Variants in THG1L observed in about 807,000 individuals in gnomAD.
The protein encoded by THG1L is probable tRNA(His) guanylyltransferase.
THG1L carries 27 observed loss-of-function variants against 35.2 expected under a neutral mutation model. That is an observed-to-expected ratio of 0.77 (90% CI 0.57 to 1.06). The LOEUF (loss-of-function observed/expected upper bound fraction) is 1.06, where lower values mean the gene tolerates loss of function less well. THG1L is among the 50% of genes least tolerant of loss of function. The pLI is 0.00. For missense variants in THG1L, 377 were observed against 371.8 expected (o/e 1.01, Z -0.12); for synonymous variants, 135 against 132.4 (o/e 1.02, Z -0.14).
intron 3 of THG1L, among the ~76,000 whole-genome samples, chr5:157,735,150 C>G (rs1760837745): frequency 6.6e-6 from 1 of 152,036 alleles, no homozygotes; most frequent in Non-Finnish European, 1.5e-5. Flanking sequence ...GTTGGTCAGG[C>G]TGGTCTTGAA....
Position 157,739,549 on chromosome 5 carries a change from C to G in THG1L, c.*67C>G. 6.5e-7 allele frequency: 1 copy of G among 1,530,748 alleles called. No individual in the cohort carries two copies. The highest frequency in any genetic ancestry group is 1.4e-5 in the African/African-American group (1 of 72,358). 94.8% of individuals were successfully genotyped at this position (1,530,748 alleles called of 1,614,324 possible). On this transcript the variant is annotated 3_prime_UTR_variant, in exon 6 of 6. Transcript: ENST00000231198. Reference sequence around the variant, plus strand: ...CCTCCCACCTCCCAGGGCTCCTTGCCTTAGGTGGCTGTAGCATCCCTACCA... The same window carrying G: ...CCTCCCACCTCCCAGGGCTCCTTGCGTTAGGTGGCTGTAGCATCCCTACCA...
rs1333623763 is a variant in THG1L, at chr5:157,740,870, C to A, written c.*1388C>A. On this transcript the variant is annotated 3_prime_UTR_variant, in exon 6 of 6. Coordinates refer to ENST00000231198, the MANE Select transcript of THG1L (RefSeq NM_017872.5). ...GGTGAGCCAAGATTGTGCCATTGCA[C>A]TCCAGCCTGGGCAACGAGCGAAACT... 1.3e-5 allele frequency: 2 copies of A among 148,660 alleles called. No individual in the cohort carries two copies. Among genetic ancestry groups the A allele is most frequent in the African/African-American group, 5.0e-5 (2 of 39,956 alleles). 9.2% of individuals were successfully genotyped at this position (148,660 alleles called of 1,614,324 possible).
In THG1L at chr5:157,732,884, A is replaced by G; in HGVS notation, c.208A>G (p.Asn70Asp). The G allele has an allele frequency of 6.2e-7, 1 of 1,614,222 alleles. No homozygotes were observed. The highest frequency in any genetic ancestry group is 8.5e-7 in the Non-Finnish European group (1 of 1,180,036). The change falls in exon 2 of 6, where the codon AAC (asparagine) becomes GAC (aspartate). Residue 70 changes from asparagine (N) to aspartate (D), a missense_variant. Physicochemically the swap from Asn to Asp is conservative, Grantham distance 23. Coordinates refer to ENST00000231198, the MANE Select transcript of THG1L (RefSeq NM_017872.5). ...CCTGTGAAGGTTTGCTGAGAAGCAC[A>G]ACTTTGCAAAACCCAATGACAGCCG... ...RNFHRFAEKH[N>D]FAKPNDSRAL...
At chr5:157,732,215 C>CA (rs34744387) in intron 1 of THG1L, among the ~76,000 whole-genome samples, 8,363 of 53,794 alleles carry the variant, frequency 0.16, 1,519 homozygotes, top group Non-Finnish European at 0.18. Context: ...TCCGCCACTA[C>CA]AAAAAAAAAA....
At position 157,740,523 on chromosome 5, in the gene THG1L, G is replaced by A. The variant is rs1433887503; in HGVS notation, c.*1041G>A. On this transcript the variant is annotated 3_prime_UTR_variant, in exon 6 of 6. Coordinates refer to ENST00000231198, the MANE Select transcript of THG1L (RefSeq NM_017872.5). The stretch of plus-strand genomic sequence containing the variant: ...CAAACTTGGCCTCTGAAGGGGGAAG[G>A]TAGTGGGAATAGGTGGTGAGAGAAC... The A allele has an allele frequency of 6.6e-6, 1 of 152,524 alleles. No homozygotes were observed. The highest frequency in any genetic ancestry group is 2.4e-5 in the African/African-American group (1 of 41,450). 9.4% of individuals were successfully genotyped at this position (152,524 alleles called of 1,614,324 possible). A position where few individuals can be genotyped will look rare whatever the true frequency, so the allele number is the denominator to read the frequency against.
intron 1 of THG1L, 81 bp downstream of exon 1, chr5:157,731,712 C>T (rs1473149832): frequency 8.7e-6 from 13 of 1,497,228 alleles, no homozygotes; most frequent in Non-Finnish European, 1.2e-5. Flanking sequence ...GTCCTCCCGC[C>T]CGCTCCAGTC....
Position 157,739,389 on chromosome 5 carries a change from C to T in THG1L, c.804C>T (p.Thr268=). 6.2e-7 allele frequency: 1 copy of T among 1,613,822 alleles called. No individual in the cohort carries two copies. Among genetic ancestry groups the T allele is most frequent in the Non-Finnish European group, 8.5e-7 (1 of 1,179,848 alleles). Reference sequence around the variant, plus strand: ...TGGAAGGAAAAAAGATGGCAGTGACCCGGACCAGGACAAAGCCAGTGCCCT... The same window carrying T: ...TGGAAGGAAAAAAGATGGCAGTGACTCGGACCAGGACAAAGCCAGTGCCCT... ...TEMEGKKMAV[T]RTRTKPVPLH... The change falls in exon 6 of 6, where the codon ACC becomes ACT. Residue 268 remains threonine, a synonymous_variant. Coordinates refer to ENST00000231198, the MANE Select transcript of THG1L (RefSeq NM_017872.5).
At chr5:157,737,319 G>A (rs1030625353) in intron 4 of THG1L, among the ~76,000 whole-genome samples, 1 of 151,892 alleles carries the variant, frequency 6.6e-6, no homozygotes, top group Non-Finnish European at 1.5e-5. Context: ...TGGTGAGACC[G>A]CTTCTCTACA....
chr5:157,732,357 A>C (rs1198222232), intron 1 of THG1L, among the ~76,000 whole-genome samples: 1 of 151,828 alleles, frequency 6.6e-6, no homozygotes, highest in Non-Finnish European at 1.5e-5. Context: ...GCTGAGGTGG[A>C]AGGATCGCTT....
In THG1L at chr5:157,734,438, G is replaced by A. The variant is rs149138217; in HGVS notation, c.369-138G>A. 1.8e-4 allele frequency: 183 copies of A among 996,358 alleles called. No homozygotes were observed. In the East Asian group the frequency reaches 3.9e-3, roughly 21 times the overall value. The allele number at this position is 996,358 out of a possible 1,614,324, so 61.7% of individuals were successfully genotyped here. A position where few individuals can be genotyped will look rare whatever the true frequency, so the allele number is the denominator to read the frequency against. On this transcript the variant is annotated intron_variant, in intron 2 of 5. Coordinates refer to ENST00000231198, the MANE Select transcript of THG1L (RefSeq NM_017872.5). ...CAAGGTATTAAAATAGTGTTTCTTA[G>A]CCAAATGCATTTTATCTCCTGGCTT...
Position 157,734,621 on chromosome 5 carries a change from G to A in THG1L, c.414G>A (p.Val138=). The stretch of plus-strand genomic sequence containing the variant: ...CCTCCCAGTTTGCCTCCAGCTATGT[G>A]TTTTATTGGCGGGATTACTTTGAGG... ...HVASQFASSY[V]FYWRDYFEDQ... is the part of the protein sequence containing the mutation. The change falls in exon 3 of 6, where the codon GTG becomes GTA. Residue 138 remains valine (V), a synonymous_variant. Coordinates refer to ENST00000231198, the MANE Select transcript of THG1L (RefSeq NM_017872.5). 3 of 1,614,146 alleles carry A rather than the reference G, an allele frequency of 1.9e-6. No homozygotes were observed. Among genetic ancestry groups the A allele is most frequent in the Middle Eastern group, 1.6e-4 (1 of 6,062 alleles).
Position 157,739,583 on chromosome 5 carries a change from A to C in THG1L, c.*101A>C. The C allele has an allele frequency of 7.2e-7, 1 of 1,384,908 alleles. No homozygotes were observed. Among genetic ancestry groups the C allele is most frequent in the African/African-American group, 1.4e-5 (1 of 69,078 alleles). 85.8% of individuals were successfully genotyped at this position (1,384,908 alleles called of 1,614,324 possible). On this transcript the variant is annotated 3_prime_UTR_variant, in exon 6 of 6. Coordinates refer to ENST00000231198, the MANE Select transcript of THG1L (RefSeq NM_017872.5). ...CTGTAGCATCCCTACCACCCAGGACACTGGTGCGAATGACACAACTCAAGT... is the reference window on the plus strand; with the variant it reads ...CTGTAGCATCCCTACCACCCAGGACCCTGGTGCGAATGACACAACTCAAGT...
In THG1L at chr5:157,740,353, T is replaced by A. The variant is rs1202457204; in HGVS notation, c.*871T>A. 1 of 152,178 alleles carries A rather than the reference T, an allele frequency of 6.6e-6. No individual in the cohort carries two copies. The highest frequency in any genetic ancestry group is 1.5e-5 in the Non-Finnish European group (1 of 68,032). The allele number at this position is 152,178 out of a possible 1,614,324, so 9.4% of individuals were successfully genotyped here. ...TGTAATCAGACAAATGACATTTGAT[T>A]TCAAGAGCAGAGGGGTAAACATCCT... On this transcript the variant is annotated 3_prime_UTR_variant, in exon 6 of 6. Coordinates refer to ENST00000231198, the MANE Select transcript of THG1L (RefSeq NM_017872.5).
At position 157,739,446 on chromosome 5, in the gene THG1L, G is replaced by A. The variant is rs777502468; in HGVS notation, c.861G>A (p.Trp287Ter). 3.1e-6 allele frequency: 5 copies of A among 1,613,614 alleles called. No individual in the cohort carries two copies. The highest frequency in any genetic ancestry group is 1.3e-5 in the African/African-American group (1 of 74,916). ...LHCDIIGDAF[W>*]KEHPEILDED... is the part of the protein sequence containing the mutation. ...GCGATATCATCGGGGATGCTTTCTG[G>A]AAGGAACATCCAGAGATTCTAGATG... is the stretch of plus-strand genomic sequence containing the variant. Residue 287 changes from tryptophan (W) to a stop codon, truncating the protein, a stop_gained, in exon 6 of 6, where the codon TGG (tryptophan) becomes TGA (stop). Transcript: ENST00000231198. LOFTEE classifies it high-confidence loss of function.
Position 157,741,278 on chromosome 5 carries a change from ATG to A in THG1L, c.*1798_*1799del, listed in dbSNP as rs1761035276. On this transcript the variant is annotated 3_prime_UTR_variant, in exon 6 of 6. Transcript: ENST00000231198. ...TGCAGAATTTACATCTAAGAAGAAA[ATG>A]TATTTTTGAAAGGGTGATGGCTGGC... 1 of 152,136 alleles carries A rather than the reference ATG, an allele frequency of 6.6e-6. No individual in the cohort carries two copies. The highest frequency in any genetic ancestry group is 2.4e-5 in the African/African-American group (1 of 41,410). The allele number at this position is 152,136 out of a possible 1,614,324, so 9.4% of individuals were successfully genotyped here.
intron 2 of THG1L, 51 bp from the exon 3 acceptor site, chr5:157,734,524 TC>T: frequency 1.2e-6 from 2 of 1,603,432 alleles, no homozygotes; most frequent in Non-Finnish European, 1.7e-6. Context: ...TTGAACTAAT[TC>T]CGTGTATTTT....
At position 157,739,453 on chromosome 5, in the gene THG1L, C is replaced by T. The variant is rs748982762; in HGVS notation, c.868C>T (p.His290Tyr). ...DIIGDAFWKE[H>Y]PEILDEDS is the part of the protein sequence containing the mutation. ...CATCGGGGATGCTTTCTGGAAGGAA[C>T]ATCCAGAGATTCTAGATGAAGACAG... The change falls in exon 6 of 6, where the codon CAT becomes TAT. Residue 290 changes from histidine (H) to tyrosine (Y), a missense_variant. Coordinates refer to ENST00000231198, the MANE Select transcript of THG1L (RefSeq NM_017872.5). The T allele has an allele frequency of 1.1e-5, 17 of 1,613,442 alleles. No homozygotes were observed. In the South Asian group the frequency reaches 1.9e-4, roughly 18 times the overall value.
At chr5:157,732,367 T>G (rs553927161) in intron 1 of THG1L, among the ~76,000 whole-genome samples, 1 of 152,168 alleles carries the variant, frequency 6.6e-6, no homozygotes, top group Non-Finnish European at 1.5e-5. Context: ...AAGGATCGCT[T>G]GAGCCTGGGA....
Position 157,740,288 on chromosome 5 carries a change from C to A in THG1L, c.*806C>A, listed in dbSNP as rs1409909187. 2 of 152,208 alleles carry A rather than the reference C, an allele frequency of 1.3e-5. No homozygotes were observed. Among genetic ancestry groups the A allele is most frequent in the East Asian group, 1.9e-4 (1 of 5,206 alleles). The allele number at this position is 152,208 out of a possible 1,614,324, so 9.4% of individuals were successfully genotyped here. On this transcript the variant is annotated 3_prime_UTR_variant, in exon 6 of 6. Coordinates refer to ENST00000231198, the MANE Select transcript of THG1L (RefSeq NM_017872.5). Reference sequence around the variant, plus strand: ...ACATTTCAGTTTTAAAAGTCACTTTCCTATTAGACTTCTTGAAAAACATTC... The same window carrying A: ...ACATTTCAGTTTTAAAAGTCACTTTACTATTAGACTTCTTGAAAAACATTC...
Sources: gnomAD v4.1 joint callset for allele counts (sites outside exome capture counted in the v4.1 genomes callset) on GRCh38, gnomAD v4.1.1 for gene constraint, MANE v1.5 for transcripts, NCBI Gene and HGNC (gene_info 2026-07-23, HGNC 2026-07-21) for gene names.